The following SUGCT variants were observed in gnomAD, a reference collection of about 807,000 sequenced individuals.
SUGCT encodes the protein succinyl-CoA:glutarate-CoA transferase.
In SUGCT, 41 loss-of-function variants were observed where a neutral mutation model predicts 55.0. The observed-to-expected ratio is 0.74, with a 90% CI of 0.58 to 0.97. The LOEUF (loss-of-function observed/expected upper bound fraction) is 0.97. SUGCT is among the 50% of genes least tolerant of loss of function. The pLI is 0.00. For synonymous variants in SUGCT, 187 were observed against 200.4 expected (o/e 0.93, Z 0.56); for missense variants, 568 against 547.8 (o/e 1.04, Z -0.37).
At chr7:40,601,004 A>G (rs1306797999) in intron 12 of SUGCT, among the ~76,000 whole-genome samples, 2 of 152,212 alleles carry the variant, frequency 1.3e-5, no homozygotes, top group South Asian at 2.1e-4. Flanking sequence ...TAAATGGAAT[A>G]CTATAAATCT....
At chr7:40,280,086 AT>A (rs1437269079) in intron 8 of SUGCT, among the ~76,000 whole-genome samples, 1 of 152,178 alleles carries the variant, frequency 6.6e-6, no homozygotes, top group Non-Finnish European at 1.5e-5. Context: ...AAAAAAGACA[AT>A]TTACACCTGA....
At chr7:40,360,141 G>A (rs193240929) in intron 9 of SUGCT, among the ~76,000 whole-genome samples, 43 of 152,234 alleles carry the variant, frequency 2.8e-4, no homozygotes, top group African/African-American at 9.4e-4. Flanking sequence ...AGCCTCCCAA[G>A]TAGCTGGGAT....
At chr7:40,206,166 C>T (rs532064465) in intron 6 of SUGCT, among the ~76,000 whole-genome samples, 4 of 152,038 alleles carry the variant, frequency 2.6e-5, no homozygotes, top group Admixed American at 6.6e-5. Flanking sequence ...ACCCTGTCAT[C>T]AAAACTGAAT....
At chr7:40,668,743 A>T (rs1801777287) in intron 12 of SUGCT, among the ~76,000 whole-genome samples, 1 of 152,166 alleles carries the variant, frequency 6.6e-6, no homozygotes, top group Non-Finnish European at 1.5e-5. Context: ...GGCCATGGAC[A>T]ATGAAAGCTC....
the SUGCT span, among the ~76,000 whole-genome samples, chr7:40,995,317 C>T: frequency 1.9e-4 from 29 of 151,996 alleles, no homozygotes; most frequent in African/African-American, 7.0e-4. Flanking sequence ...ACTCCCTAGA[C>T]ACATACACAC....
chr7:40,143,237 G>T (rs10261306), intron 1 of SUGCT, among the ~76,000 whole-genome samples: 9,641 of 152,260 alleles, frequency 0.063, 1,003 homozygotes, highest in African/African-American at 0.22. Context: ...GCTTAGGGAT[G>T]AATAAGGGCA....
intron 6 of SUGCT, among the ~76,000 whole-genome samples, chr7:40,204,661 A>G (rs1470592064): frequency 1.3e-5 from 2 of 151,736 alleles, no homozygotes; most frequent in Admixed American, 6.6e-5. Flanking sequence ...ACATTAACTC[A>G]TGCCTGTAAT....
At chr7:40,522,274 CAG>C (rs1793573691) in intron 12 of SUGCT, among the ~76,000 whole-genome samples, 1 of 152,116 alleles carries the variant, frequency 6.6e-6, no homozygotes, top group Non-Finnish European at 1.5e-5. Flanking sequence ...TGTACTGTCT[CAG>C]AGAAACCAAC....
intron 11 of SUGCT, among the ~76,000 whole-genome samples, chr7:40,469,010 ATCCGATGAAT>A (rs1309068706): frequency 2.0e-5 from 3 of 152,110 alleles, no homozygotes; most frequent in Non-Finnish European, 4.4e-5. Context: ...TGTCTTTTAA[ATCCGATGAAT>A]TCCACCTTTC....
intron 11 of SUGCT, among the ~76,000 whole-genome samples, chr7:40,480,363 T>C (rs1790961334): frequency 6.6e-6 from 1 of 152,178 alleles, no homozygotes; most frequent in African/African-American, 2.4e-5. Flanking sequence ...TCTATTCTGT[T>C]CCATTGATTT....
chr7:40,963,040 C>T, the SUGCT span, among the ~76,000 whole-genome samples: 1 of 152,132 alleles, frequency 6.6e-6, no homozygotes, highest in Non-Finnish European at 1.5e-5. Flanking sequence ...CTGGGAATTG[C>T]ATATAAACAA....
intron 11 of SUGCT, among the ~76,000 whole-genome samples, chr7:40,463,538 G>T (rs1789932406): frequency 6.6e-6 from 1 of 152,054 alleles, no homozygotes; most frequent in Non-Finnish European, 1.5e-5. Context: ...TTTTTTGGAA[G>T]TACCTACCAG....
intron 12 of SUGCT, among the ~76,000 whole-genome samples, chr7:40,625,341 A>G (rs1271315083): frequency 6.6e-6 from 1 of 152,098 alleles, no homozygotes; most frequent in Non-Finnish European, 1.5e-5. Flanking sequence ...GTGAAGGTTT[A>G]TATCCCAGCA....
chr7:40,135,729 T>A (rs1170583802), intron 1 of SUGCT, among the ~76,000 whole-genome samples: 2 of 152,166 alleles, frequency 1.3e-5, no homozygotes. Context: ...CGATCTCGGC[T>A]CACTGCAACC....
At chr7:40,884,590 A>AT in the SUGCT span, among the ~76,000 whole-genome samples, 1 of 151,958 alleles carries the variant, frequency 6.6e-6, no homozygotes, top group Non-Finnish European at 1.5e-5. Flanking sequence ...TTTTTCCTGA[A>AT]TTTTTTCCCG....
intron 13 of SUGCT, among the ~76,000 whole-genome samples, chr7:40,839,900 G>C (rs1393793296): frequency 6.6e-6 from 1 of 152,068 alleles, no homozygotes; most frequent in Non-Finnish European, 1.5e-5. Flanking sequence ...CCCACCGAGT[G>C]TGCTACAGGA....
intron 9 of SUGCT, among the ~76,000 whole-genome samples, chr7:40,430,634 G>C (rs1285038732): frequency 6.6e-6 from 1 of 151,998 alleles, no homozygotes; most frequent in South Asian, 2.1e-4. Context: ...TTTGTTTATG[G>C]TTTTCTTTGC....
intron 6 of SUGCT, among the ~76,000 whole-genome samples, chr7:40,202,807 G>A (rs1786686511): frequency 6.6e-6 from 1 of 152,098 alleles, no homozygotes; most frequent in Admixed American, 6.6e-5. Flanking sequence ...TTGTCCTATA[G>A]GCAGCCCTCA....
chr7:40,667,014 C>T (rs956082235), intron 12 of SUGCT, among the ~76,000 whole-genome samples: 1 of 150,406 alleles, frequency 6.6e-6, no homozygotes, highest in Non-Finnish European at 1.5e-5. Context: ...ACTTGGGAGG[C>T]TGAGGTAGGG....
Sources: gnomAD v4.1 joint callset for allele counts (sites outside exome capture counted in the v4.1 genomes callset) on GRCh38, gnomAD v4.1.1 for gene constraint, MANE v1.5 for transcripts, NCBI Gene and HGNC (gene_info 2026-07-23, HGNC 2026-07-21) for gene names.